Variants in TECR observed in about 807,000 individuals in gnomAD.
TECR encodes very-long-chain enoyl-CoA reductase.
A neutral mutation model predicts 50.6 loss-of-function variants in TECR; 19 were observed. The ratio of observed to expected loss-of-function variants is 0.38; its 90% CI spans 0.26 to 0.55. The LOEUF is 0.55. Among genes scored for constraint, TECR ranks in the 20% least tolerant of loss-of-function variants. The pLI, the probability that TECR is intolerant of heterozygous loss-of-function variation, is 0.79. For synonymous variants in TECR, 168 were observed against 163.5 expected (o/e 1.03, Z -0.21); for missense variants, 313 against 408.3 (o/e 0.77, Z 2.01).
intron 1 of TECR, among the ~76,000 whole-genome samples, chr19:14,539,880 CTTTT>C (rs35738060): frequency 1.4e-4 from 20 of 142,338 alleles, no homozygotes; most frequent in South Asian, 2.2e-4. Flanking sequence ...TGTTTTCTTT[CTTTT>C]TTTTTTTTTT....
At chr19:14,542,154 G>T (rs1599433812) in intron 1 of TECR, among the ~76,000 whole-genome samples, 1 of 151,796 alleles carries the variant, frequency 6.6e-6, no homozygotes. Context: ...TAGTAGAGAT[G>T]GGGTCTTGCT....
intron 1 of TECR, among the ~76,000 whole-genome samples, chr19:14,545,338 G>A (rs1333283333): frequency 1.3e-5 from 2 of 152,184 alleles, no homozygotes; most frequent in Non-Finnish European, 2.9e-5. Context: ...CCTCATGCTG[G>A]CCCTCAGCTG....
At chr19:14,537,504 C>G (rs1211209277) in intron 1 of TECR, among the ~76,000 whole-genome samples, 2 of 152,082 alleles carry the variant, frequency 1.3e-5, no homozygotes, top group Admixed American at 1.3e-4. Context: ...GGCCTTGCGA[C>G]TCTGATAAGG....
Position 14,565,913 on chromosome 19 carries a change from A to G in TECR, c.*42A>G, listed in dbSNP as rs537799653. 6.2e-5 allele frequency: 96 copies of G among 1,551,220 alleles called. No homozygotes were observed. The East Asian group carries it at 1.6e-3, about 26-fold the overall frequency. ...AGGCTCAGCCCCTCAACCCGGTGGC[A>G]TTCTGGGGGAGGAGTGGGGCCCACA... On this transcript the variant is annotated 3_prime_UTR_variant, in exon 13 of 13. Transcript: ENST00000215567.
chr19:14,563,082 C>G lies in TECR; in HGVS notation c.67-124C>G. On this transcript the variant is annotated intron_variant, in intron 2 of 12. Coordinates refer to ENST00000215567, the MANE Select transcript of TECR (RefSeq NM_138501.6). The surrounding 1 kb of genome is among the most constrained non-coding windows in gnomAD (Gnocchi z 5.3). Reference sequence around the variant, plus strand: ...CCTGACTGCAGGCAGAGGCCTGGACCCCAGCCCTTCCCCCTTCCCATAGCT... The same window carrying G: ...CCTGACTGCAGGCAGAGGCCTGGACGCCAGCCCTTCCCCCTTCCCATAGCT... 1 of 1,251,292 alleles carries G rather than the reference C, an allele frequency of 8.0e-7. No individual in the cohort carries two copies. Among genetic ancestry groups the G allele is most frequent in the Non-Finnish European group, 1.1e-6 (1 of 879,074 alleles). 77.5% of individuals were successfully genotyped at this position (1,251,292 alleles called of 1,614,324 possible).
At chr19:14,536,090 A>G (rs2072887740) in intron 1 of TECR, among the ~76,000 whole-genome samples, 2 of 152,058 alleles carry the variant, frequency 1.3e-5, no homozygotes, top group African/African-American at 2.4e-5. Flanking sequence ...GACCCAGAGA[A>G]CAAGGCCTTT....
At chr19:14,552,415 C>T (rs2146605397) in intron 1 of TECR, among the ~76,000 whole-genome samples, 1 of 152,086 alleles carries the variant, frequency 6.6e-6, no homozygotes, top group East Asian at 1.9e-4. Flanking sequence ...TGGGCCTGAG[C>T]AAGCTGGGTG....
chr19:14,534,423 C>CATT (rs2072788600), intron 1 of TECR, among the ~76,000 whole-genome samples: 1 of 52,452 alleles, frequency 1.9e-5, no homozygotes, highest in Non-Finnish European at 3.3e-5. Context: ...CATGCCTGGC[C>CATT]TTTTTTTTTT....
Position 14,565,105 on chromosome 19 carries a change from C to A in TECR, c.646C>A (p.Arg216=). ...CAACTTCTCCATCCACATGGCCCTG[C>A]GGGACCTGCGGCCCGCTGGTGAGTG... The part of the protein sequence containing the change: ...LGNFSIHMAL[R]DLRPAGSKTR... Residue 216 remains arginine, a synonymous_variant, in exon 10 of 13, where the codon CGG becomes AGG. Coordinates refer to ENST00000215567, the MANE Select transcript of TECR (RefSeq NM_138501.6). 1 of 1,613,800 alleles carries A rather than the reference C, an allele frequency of 6.2e-7. No individual in the cohort carries two copies. Among genetic ancestry groups the A allele is most frequent in the Middle Eastern group, 1.6e-4 (1 of 6,062 alleles).
upstream of TECR, among the ~76,000 whole-genome samples, chr19:14,528,940 AAAAAC>A (rs553743215): frequency 2.6e-5 from 4 of 152,286 alleles, no homozygotes; most frequent in Non-Finnish European, 4.4e-5. Context: ...AGATTGTTTC[AAAAAC>A]AAAACAAAAC....
chr19:14,560,492 G>A (rs544136258), intron 1 of TECR, among the ~76,000 whole-genome samples: 2 of 152,324 alleles, frequency 1.3e-5, no homozygotes, highest in Admixed American at 6.5e-5. Flanking sequence ...CGTGGATCCC[G>A]CCCCGTGTCC....
chr19:14,542,380 AG>A (rs367625969), intron 1 of TECR, among the ~76,000 whole-genome samples: 997 of 39,368 alleles, frequency 0.025, 38 homozygotes, highest in African/African-American at 0.068. Flanking sequence ...TTTTTTTCTG[AG>A]ATGGAGTTTC....
intron 1 of TECR, among the ~76,000 whole-genome samples, chr19:14,557,957 G>A (rs1378605202): frequency 1.1e-4 from 16 of 151,528 alleles, no homozygotes; most frequent in Admixed American, 5.3e-4. Flanking sequence ...GGGTTTCACC[G>A]TGTTAGCCAG....
At chr19:14,537,608 C>G (rs2072947825) in intron 1 of TECR, among the ~76,000 whole-genome samples, 1 of 152,134 alleles carries the variant, frequency 6.6e-6, no homozygotes, top group African/African-American at 2.4e-5. Flanking sequence ...CAAGTTCAGG[C>G]TGGGTCTTAA....
chr19:14,559,065 T>C (rs1238003339), intron 1 of TECR, among the ~76,000 whole-genome samples: 1 of 152,114 alleles, frequency 6.6e-6, no homozygotes, highest in African/African-American at 2.4e-5. Context: ...GGTCTCACAT[T>C]AGGCCCTCCC....
chr19:14,559,888 T>C (rs906943264), intron 1 of TECR, among the ~76,000 whole-genome samples: 1 of 152,060 alleles, frequency 6.6e-6, no homozygotes, highest in Non-Finnish European at 1.5e-5. Context: ...TAGGAGGAGA[T>C]GGCCGACGAG....
chr19:14,555,954 C>T (rs1452361257), intron 1 of TECR, among the ~76,000 whole-genome samples: 1 of 152,182 alleles, frequency 6.6e-6, no homozygotes, highest in African/African-American at 2.4e-5. Context: ...GTCTGTTCCA[C>T]CCAGCAGTGG....
At chr19:14,546,652 C>G (rs1357746823) in intron 1 of TECR, among the ~76,000 whole-genome samples, 1 of 152,098 alleles carries the variant, frequency 6.6e-6, no homozygotes, top group African/African-American at 2.4e-5. Flanking sequence ...ATGCTTAGAA[C>G]CTTTGGTCAC....
intron 1 of TECR, among the ~76,000 whole-genome samples, chr19:14,542,347 G>GGGTTTTTTTTTT (rs2073124658): frequency 3.2e-4 from 14 of 43,300 alleles, no homozygotes; most frequent in African/African-American, 9.7e-4. Flanking sequence ...ATGCCATAGT[G>GGGTTTTTTTTTT]TTTTTTTTTT....
Sources: allele counts gnomAD v4.1 joint callset (sites outside exome capture counted in the v4.1 genomes callset), GRCh38; gene constraint gnomAD v4.1.1; non-coding constraint Gnocchi (gnomAD v3.1); transcripts MANE v1.5; gene names NCBI Gene and HGNC (gene_info 2026-07-23, HGNC 2026-07-21).